Variants in INPP5A observed in about 807,000 individuals in gnomAD.
The protein encoded by INPP5A is 43 kDa inositol polyphosphate 5-phophatase.
A neutral mutation model predicts 65.2 loss-of-function variants in INPP5A; 14 were observed. The observed-to-expected ratio is 0.21, with a 90% CI of 0.14 to 0.34. The LOEUF is 0.34. Ranked by LOEUF, INPP5A falls within the 10% of genes least tolerant of loss-of-function variation. The probability of loss-of-function intolerance (pLI) is 1.00; values close to 1 mark genes in which losing one functional copy is unlikely to be tolerated. For missense variants in INPP5A, 431 were observed against 545.6 expected (o/e 0.79, Z 2.09); for synonymous variants, 207 against 208.3 (o/e 0.99, Z 0.05).
chr10:132,627,146 C>G lies in INPP5A; in HGVS notation c.118-18722C>G, dbSNP rs1454560203. On this transcript the variant is annotated intron_variant, in intron 2 of 15. Coordinates refer to ENST00000368594, the MANE Select transcript of INPP5A (RefSeq NM_005539.5). The surrounding 1 kb of genome is among the most constrained non-coding windows in gnomAD (Gnocchi z 6.6). ...GCAGCTCTGTGAGCCAGGAAGGACC[C>G]TCACCAGGAACCAAACCGGCCGGCT... is the stretch of plus-strand genomic sequence containing the variant. Among the ~76,000 whole-genome samples the G allele has an allele frequency of 1.3e-5, 2 of 151,876 alleles. No homozygotes were observed. Among genetic ancestry groups the G allele is most frequent in the East Asian group, 3.9e-4 (2 of 5,192 alleles).
Position 132,783,313 on chromosome 10 carries a change from G to A in INPP5A, c.*1284G>A, listed in dbSNP as rs1468320100. Reference sequence around the variant, plus strand: ...ACTGCAAGTGACTGCTGTCCGCTGCGGAATCTGTTCTTGGTGGAAGCACAG... The same window carrying A: ...ACTGCAAGTGACTGCTGTCCGCTGCAGAATCTGTTCTTGGTGGAAGCACAG... On this transcript the variant is annotated 3_prime_UTR_variant, in exon 16 of 16. Coordinates refer to ENST00000368594, the MANE Select transcript of INPP5A (RefSeq NM_005539.5). 3 of 152,296 alleles carry A rather than the reference G, an allele frequency of 2.0e-5. No homozygotes were observed. The highest frequency in any genetic ancestry group is 6.6e-5 in the Admixed American group (1 of 15,260). 9.4% of individuals were successfully genotyped at this position (152,296 alleles called of 1,614,324 possible).
At chr10:132,609,047 T>G (rs1217305417) in intron 2 of INPP5A, among the ~76,000 whole-genome samples, 2 of 151,950 alleles carry the variant, frequency 1.3e-5, no homozygotes, top group Non-Finnish European at 2.9e-5. Context: ...GGCATCCAAG[T>G]CCCCCCATAG....
chr10:132,648,753 T>A (rs2072532798), intron 3 of INPP5A, among the ~76,000 whole-genome samples: 1 of 152,258 alleles, frequency 6.6e-6, no homozygotes, highest in South Asian at 2.1e-4. Flanking sequence ...TTGTTCTCTC[T>A]TAATTTTCTT....
intron 1 of INPP5A, among the ~76,000 whole-genome samples, chr10:132,561,816 C>T (rs942271678): frequency 2.6e-5 from 4 of 151,540 alleles, no homozygotes; most frequent in Admixed American, 2.0e-4. Flanking sequence ...ACACACAACC[C>T]TGGTGGAATT....
chr10:132,614,456 G>A (rs1370738929), intron 2 of INPP5A, among the ~76,000 whole-genome samples: 1 of 152,172 alleles, frequency 6.6e-6, no homozygotes, highest in Admixed American at 6.5e-5. Context: ...GATGGAGTGA[G>A]ACCCTGTCTC....
At chr10:132,553,214 C>G (rs2071077879) in intron 1 of INPP5A, among the ~76,000 whole-genome samples, 1 of 94,626 alleles carries the variant, frequency 1.1e-5, no homozygotes, top group Non-Finnish European at 2.1e-5. Flanking sequence ...TTGGTGAACG[C>G]CTTCTCAGAG....
rs1162855733 is a variant in INPP5A, at chr10:132,555,135, G to A, written c.75+16964G>A. Among the ~76,000 whole-genome samples, 5 of 151,882 alleles carry A rather than the reference G, an allele frequency of 3.3e-5. No homozygotes were observed. The highest frequency in any genetic ancestry group is 7.4e-5 in the Non-Finnish European group (5 of 67,952). On this transcript the variant is annotated intron_variant, in intron 1 of 15. Transcript: ENST00000368594. The surrounding 1 kb of genome is among the most constrained non-coding windows in gnomAD (Gnocchi z 4.4). The stretch of plus-strand genomic sequence containing the variant: ...GTGGGTGACATAGGTGGTGTGGCTG[G>A]CGTGGTTAGTGGGTGGCATAGATGG...
chr10:132,703,557 CCACA>C (rs1170063634), intron 6 of INPP5A, among the ~76,000 whole-genome samples: 3 of 148,330 alleles, frequency 2.0e-5, no homozygotes, highest in Admixed American at 1.3e-4. Context: ...GTGGCTTCAC[CCACA>C]CACACACGTG....
chr10:132,653,134 G>C (rs929295536), intron 4 of INPP5A, among the ~76,000 whole-genome samples: 1 of 152,262 alleles, frequency 6.6e-6, no homozygotes, highest in Admixed American at 6.5e-5. Context: ...GTCTGTCCGA[G>C]CCTGGCTGGG....
intron 8 of INPP5A, among the ~76,000 whole-genome samples, chr10:132,721,837 G>C (rs547068415): frequency 4.6e-5 from 7 of 152,280 alleles, no homozygotes; most frequent in Admixed American, 3.3e-4. Context: ...TTAGATGGCT[G>C]TCTTGCCTGC....
At chr10:132,761,087 G>A (rs993484955) in intron 11 of INPP5A, among the ~76,000 whole-genome samples, 3 of 152,198 alleles carry the variant, frequency 2.0e-5, no homozygotes, top group African/African-American at 7.2e-5. Context: ...TGCTGGGACC[G>A]CCAGGCTTCG....
intron 7 of INPP5A, among the ~76,000 whole-genome samples, chr10:132,709,699 G>A (rs772591658): frequency 4.6e-5 from 7 of 152,180 alleles, no homozygotes; most frequent in Non-Finnish European, 7.4e-5. Context: ...TGGAGGACAC[G>A]CAGGCAGTGA....
At chr10:132,655,161 G>A (rs1316321842) in intron 4 of INPP5A, among the ~76,000 whole-genome samples, 4 of 152,222 alleles carry the variant, frequency 2.6e-5, no homozygotes, top group Admixed American at 6.5e-5. Context: ...GCGAGAGCCA[G>A]GCTGGAAGAC....
rs542393007 is a variant in INPP5A at position 132,706,213 on chromosome 10, T to G, written c.475-2100T>G. Among the ~76,000 whole-genome samples, 2 of 152,320 alleles carry G rather than the reference T, an allele frequency of 1.3e-5. No individual in the cohort carries two copies. Among genetic ancestry groups the G allele is most frequent in the Admixed American group, 1.3e-4 (2 of 15,294 alleles). ...CAAGACGGACAAAGATTTGTGTTTG[T>G]TTGGTTGTTTGTATGTTTTTTATTT... On this transcript the variant is annotated intron_variant, in intron 6 of 15. Coordinates refer to ENST00000368594, the MANE Select transcript of INPP5A (RefSeq NM_005539.5). The surrounding 1 kb of genome is among the most constrained non-coding windows in gnomAD (Gnocchi z 4.7).
chr10:132,657,284 G>A (rs1590901058), intron 4 of INPP5A, among the ~76,000 whole-genome samples: 5 of 152,348 alleles, frequency 3.3e-5, no homozygotes, highest in Admixed American at 3.3e-4. Flanking sequence ...CACCTCGGAG[G>A]GCAGGTCTCT....
Position 132,660,295 on chromosome 10 carries a change from A to G in INPP5A, c.306+9790A>G, listed in dbSNP as rs560595454. 2.4e-3 allele frequency among the ~76,000 whole-genome samples: 371 copies of G among 152,378 alleles called. 1 individual carries two copies. The highest frequency in any genetic ancestry group is 3.9e-3 in the Non-Finnish European group (263 of 68,030). On this transcript the variant is annotated intron_variant, in intron 4 of 15. Transcript: ENST00000368594. ...CAAGAAGTGGCAATATAAGCTTTAG[A>G]GGTATGGAGATAAATACCAAAAGAA...
intron 12 of INPP5A, among the ~76,000 whole-genome samples, chr10:132,776,075 C>T (rs1030025046): frequency 1.3e-5 from 2 of 152,102 alleles, no homozygotes; most frequent in African/African-American, 4.8e-5. Flanking sequence ...CTCGTGTCCG[C>T]GGTTGGGATC....
At position 132,651,459 on chromosome 10, in the gene INPP5A, C is replaced by T. The variant is rs569377603; in HGVS notation, c.306+954C>T. ...GTCTCTGGGGAGGCCCTGGGTCCCCCGGCTTGGGTCCATCTCCCCCATCTC... is the reference window on the plus strand; with the variant it reads ...GTCTCTGGGGAGGCCCTGGGTCCCCTGGCTTGGGTCCATCTCCCCCATCTC... On this transcript the variant is annotated intron_variant, in intron 4 of 15. Coordinates refer to ENST00000368594, the MANE Select transcript of INPP5A (RefSeq NM_005539.5). The surrounding 1 kb of genome is among the most constrained non-coding windows in gnomAD (Gnocchi z 5.0). Among the ~76,000 whole-genome samples, 21 of 146,884 alleles carry T rather than the reference C, an allele frequency of 1.4e-4. No individual in the cohort carries two copies. In the East Asian group the frequency reaches 3.7e-3, roughly 26 times the overall value.
At chr10:132,703,554 C>T (rs887094229) in intron 6 of INPP5A, among the ~76,000 whole-genome samples, 2 of 149,546 alleles carry the variant, frequency 1.3e-5, no homozygotes, top group African/African-American at 5.0e-5. Flanking sequence ...CACGTGGCTT[C>T]ACCCACACAC....
Sources: gnomAD v4.1 joint callset for allele counts (sites outside exome capture counted in the v4.1 genomes callset) on GRCh38, gnomAD v4.1.1 for gene constraint, Gnocchi (gnomAD v3.1) non-coding constraint, MANE v1.5 for transcripts, NCBI Gene and HGNC (gene_info 2026-07-23, HGNC 2026-07-21) for gene names.